Variants in CARMIL1 observed in about 807,000 individuals in gnomAD.
CARMIL1 encodes the protein capping protein regulator and myosin 1 linker 1.
CARMIL1 carries 90 observed loss-of-function variants against 177.1 expected under a neutral mutation model. That is an observed-to-expected ratio of 0.51 (90% CI 0.43 to 0.61). The LOEUF is 0.61. Among genes scored for constraint, CARMIL1 ranks in the 20% least tolerant of loss-of-function variants. The pLI, the probability that CARMIL1 is intolerant of heterozygous loss-of-function variation, is 0.00. For synonymous variants in CARMIL1, 577 were observed against 606.2 expected, an observed-to-expected ratio of 0.95 and a Z score of 0.71; for missense variants, 1,380 against 1,667.0, an observed-to-expected ratio of 0.83 and a Z score of 3.00.
chr6:25,360,782 C>T (rs762477077), intron 2 of CARMIL1, among the ~76,000 whole-genome samples: 18 of 152,154 alleles, frequency 1.2e-4, no homozygotes, highest in Admixed American at 2.6e-4. Context: ...TGTGATTAGA[C>T]CTTCCCTTAT....
chr6:25,415,891 G>T (rs1045231621), intron 2 of CARMIL1, among the ~76,000 whole-genome samples: 6 of 152,008 alleles, frequency 3.9e-5, no homozygotes, highest in Non-Finnish European at 8.8e-5. Context: ...AATGAAGGCA[G>T]GGGAGGAGCG....
intron 8 of CARMIL1, among the ~76,000 whole-genome samples, chr6:25,464,075 G>T (rs998736281): frequency 2.0e-5 from 3 of 152,044 alleles, no homozygotes; most frequent in African/African-American, 7.2e-5. Context: ...GCCCGTCTCG[G>T]CCTCCCAAAA....
chr6:25,462,701 C>T (rs1216724156), intron 8 of CARMIL1, among the ~76,000 whole-genome samples: 5 of 152,100 alleles, frequency 3.3e-5, no homozygotes, highest in Admixed American at 2.6e-4. Flanking sequence ...TACTTCAGGC[C>T]GAATTACTTG....
chr6:25,481,838 A>G (rs540466788), intron 11 of CARMIL1, among the ~76,000 whole-genome samples: 3 of 152,348 alleles, frequency 2.0e-5, no homozygotes, highest in East Asian at 1.9e-4. Context: ...AATAGTTAAT[A>G]TTACTCCATT....
At chr6:25,568,091 G>A (rs1025592821) in intron 29 of CARMIL1, among the ~76,000 whole-genome samples, 2 of 152,206 alleles carry the variant, frequency 1.3e-5, no homozygotes, top group African/African-American at 4.8e-5. Context: ...CGTATGTGCT[G>A]AAGAAAATCA....
At chr6:25,462,065 A>G (rs1800168108) in intron 8 of CARMIL1, among the ~76,000 whole-genome samples, 1 of 152,074 alleles carries the variant, frequency 6.6e-6, no homozygotes, top group Non-Finnish European at 1.5e-5. Context: ...TGCATTTTGG[A>G]TACAATTCCT....
intron 31 of CARMIL1, among the ~76,000 whole-genome samples, chr6:25,583,940 C>T (rs13192159): frequency 0.17 from 25,500 of 151,068 alleles, 2,408 homozygotes; most frequent in East Asian, 0.4. Context: ...AACTTGTCTG[C>T]GAAATGGCTT....
chr6:25,316,297 G>A (rs375933186), intron 2 of CARMIL1, among the ~76,000 whole-genome samples: 1 of 152,102 alleles, frequency 6.6e-6, no homozygotes, highest in Non-Finnish European at 1.5e-5. Flanking sequence ...GGTGTTTTGC[G>A]TTTGTCTAGA....
Position 25,509,676 on chromosome 6 carries a change from A to G in CARMIL1, c.1416A>G (p.Gln472=), listed in dbSNP as rs866595398. Residue 472 remains glutamine, a synonymous_variant, in exon 18 of 37, where the codon CAA becomes CAG. Coordinates refer to ENST00000329474, the MANE Select transcript of CARMIL1 (RefSeq NM_017640.6). The surrounding 1 kb of genome is among the most constrained non-coding windows in gnomAD (Gnocchi z 4.1). ...TCTAGCTGAGATCAGGAGGTGCTCA[A>G]GTATTAGAAGGTTGCATTGCTGAAA... ...SNCELRSGGA[Q]VLEGCIAEIH... The G allele has an allele frequency of 3.5e-5, 56 of 1,603,574 alleles. 5 individuals carry two copies. The Middle Eastern group carries it at 9.3e-3, about 265-fold the overall frequency.
intron 2 of CARMIL1, among the ~76,000 whole-genome samples, chr6:25,402,360 T>C (rs904509171): frequency 2.6e-5 from 4 of 152,200 alleles, no homozygotes; most frequent in Non-Finnish European, 5.9e-5. Context: ...CTGTAAGATA[T>C]TGGAATTGCA....
At position 25,450,323 on chromosome 6, in the gene CARMIL1, T is replaced by C; in HGVS notation, c.470-16T>C. Reference sequence around the variant, plus strand: ...TTTTGCCAAAGACCTGTCAGTGTTTTTGTTGTATGTTTCAGGTGGATTTTC... The same window carrying C: ...TTTTGCCAAAGACCTGTCAGTGTTTCTGTTGTATGTTTCAGGTGGATTTTC... On this transcript the variant is annotated splice_polypyrimidine_tract_variant and intron_variant, in intron 6 of 36. Transcript: ENST00000329474. 1 of 1,601,234 alleles carries C rather than the reference T, an allele frequency of 6.2e-7. No individual in the cohort carries two copies. Among genetic ancestry groups the C allele is most frequent in the Non-Finnish European group, 8.6e-7 (1 of 1,168,842 alleles).
Position 25,489,338 on chromosome 6 carries a change from G to T in CARMIL1, c.1065+753G>T, listed in dbSNP as rs531641010. ...AGTATTGGGATAAACCTGAGCACTC[G>T]TCTATTCCGTGAATAAAATAGGGAG... On this transcript the variant is annotated intron_variant, in intron 13 of 36. Coordinates refer to ENST00000329474, the MANE Select transcript of CARMIL1 (RefSeq NM_017640.6). 3.9e-5 allele frequency among the ~76,000 whole-genome samples: 6 copies of T among 152,270 alleles called. No individual in the cohort carries two copies. The East Asian group carries it at 1.2e-3, about 29-fold the overall frequency.
At chr6:25,307,122 C>CCG (rs754971647) in intron 2 of CARMIL1, among the ~76,000 whole-genome samples, 2 of 152,190 alleles carry the variant, frequency 1.3e-5, no homozygotes, top group Non-Finnish European at 2.9e-5. Context: ...CTCAGGTGAT[C>CCG]CGCCTGCCTT....
chr6:25,437,111 A>G (rs1797297522), intron 5 of CARMIL1, among the ~76,000 whole-genome samples: 1 of 152,196 alleles, frequency 6.6e-6, no homozygotes, highest in Non-Finnish European at 1.5e-5. Context: ...ATGAGTTAAC[A>G]ATAGCTACAA....
chr6:25,340,379 G>C (rs1402918451), intron 2 of CARMIL1, among the ~76,000 whole-genome samples: 2 of 152,194 alleles, frequency 1.3e-5, no homozygotes, highest in African/African-American at 4.8e-5. Context: ...ACAACGTTTT[G>C]AGTGTAGAAT....
chr6:25,402,494 C>T lies in CARMIL1; in HGVS notation c.139-17620C>T, dbSNP rs189823190. Among the ~76,000 whole-genome samples, 131 of 152,222 alleles carry T rather than the reference C, an allele frequency of 8.6e-4. 1 individual carries two copies. The highest frequency in any genetic ancestry group is 3.0e-3 in the African/African-American group (123 of 41,538). ...TCTAGGGCATAATAAAAAAGAAGAA[C>T]ATGTGCTTTCTGATTTTGCCAATCT... On this transcript the variant is annotated intron_variant, in intron 2 of 36. Coordinates refer to ENST00000329474, the MANE Select transcript of CARMIL1 (RefSeq NM_017640.6).
At chr6:25,474,685 G>C (rs1801380570) in intron 11 of CARMIL1, among the ~76,000 whole-genome samples, 1 of 152,130 alleles carries the variant, frequency 6.6e-6, no homozygotes, top group South Asian at 2.1e-4. Context: ...GTTTCTCTAG[G>C]GTATACTCAA....
At chr6:25,466,677 C>T (rs550955885) in intron 9 of CARMIL1, among the ~76,000 whole-genome samples, 1 of 152,240 alleles carries the variant, frequency 6.6e-6, no homozygotes, top group Non-Finnish European at 1.5e-5. Flanking sequence ...TTAAGATTTT[C>T]ATAGTGAATA....
Position 25,432,467 on chromosome 6 carries a change from T to C in CARMIL1, c.250-3016T>C, listed in dbSNP as rs189291257. Among the ~76,000 whole-genome samples the C allele has an allele frequency of 2.8e-4, 42 of 152,336 alleles. No homozygotes were observed. In the East Asian group the frequency reaches 7.5e-3, roughly 27 times the overall value. Reference sequence around the variant, plus strand: ...AATGTGACTTTTACTATTGCTATTTTCCCCTTTCTTCAGAAATGTTGGAAA... The same window carrying C: ...AATGTGACTTTTACTATTGCTATTTCCCCCTTTCTTCAGAAATGTTGGAAA... On this transcript the variant is annotated intron_variant, in intron 4 of 36. Transcript: ENST00000329474.
Sources: gnomAD v4.1 joint callset for allele counts (sites outside exome capture counted in the v4.1 genomes callset) on GRCh38, gnomAD v4.1.1 for gene constraint, Gnocchi (gnomAD v3.1) non-coding constraint, MANE v1.5 for transcripts, NCBI Gene and HGNC (gene_info 2026-07-23, HGNC 2026-07-21) for gene names.